PDHA1: variants seen among roughly 807,000 people sequenced by gnomAD.
PDHA1 encodes the protein pyruvate dehydrogenase E1 subunit alpha 1.
A neutral mutation model predicts 33.0 loss-of-function variants in PDHA1; 1 was observed. That is an observed-to-expected ratio of 0.03 (90% CI 0.01 to 0.14). The LOEUF (loss-of-function observed/expected upper bound fraction) is 0.14. Ranked by LOEUF, PDHA1 falls within the 10% of genes least tolerant of loss-of-function variation. The pLI is 1.00. For missense variants in PDHA1, 168 were observed against 325.1 expected (o/e 0.52, Z 3.72); for synonymous variants, 123 against 119.2 (o/e 1.03, Z -0.21).
At chrX:19,346,601 C>G (rs1006433666) in intron 1 of PDHA1, 3 of 967,245 alleles carry the variant, frequency 3.1e-6, no homozygotes, top group Non-Finnish European at 4.0e-6. Context: ...TGGGATTACT[C>G]TCACTCTCTT....
intron 3 of PDHA1, 115 bp from the exon 4 acceptor site, chrX:19,351,166 T>A: frequency 1.3e-6 from 1 of 765,312 alleles, no homozygotes; most frequent in East Asian, 3.2e-5. Context: ...AGCTACTTTC[T>A]CTGGTTATTA....
intron 4 of PDHA1, among the ~76,000 whole-genome samples, chrX:19,352,607 A>C (rs5955753): frequency 0.22 from 24,337 of 112,004 alleles, 5,047 homozygotes; most frequent in African/African-American, 0.66. Context: ...TCGAGTATAC[A>C]AAAATCCTCA....
intron 2 of PDHA1, among the ~76,000 whole-genome samples, chrX:19,349,730 TAGAA>T (rs2063153520): frequency 8.9e-6 from 1 of 112,299 alleles, no homozygotes; most frequent in Non-Finnish European, 1.9e-5. Flanking sequence ...AAAATCATCT[TAGAA>T]AGATTTCCTT....
At chrX:19,358,190 A>T (rs1391870788) in intron 9 of PDHA1, among the ~76,000 whole-genome samples, 1 of 112,250 alleles carries the variant, frequency 8.9e-6, no homozygotes, top group Non-Finnish European at 1.9e-5. Context: ...CTAGGAAGGC[A>T]TGAATTTTAC....
intron 1 of PDHA1, among the ~76,000 whole-genome samples, chrX:19,347,658 G>C (rs1406687478): frequency 8.9e-6 from 1 of 112,743 alleles, no homozygotes; most frequent in Non-Finnish European, 1.9e-5. Context: ...TTCTGTAGTT[G>C]TATTTGGAAA....
intron 8 of PDHA1, chrX:19,357,342 C>T: frequency 3.2e-6 from 1 of 310,908 alleles, no homozygotes; most frequent in Non-Finnish European, 5.8e-6. Flanking sequence ...GTGCTCTGCC[C>T]ACCTCAGCTT....
rs759443348 is a variant in PDHA1, at chrX:19,358,964, T to A, written c.948T>A (p.Pro316=). The change falls in exon 10 of 11, where the codon CCT becomes CCA. Residue 316 remains proline (P), a synonymous_variant. Transcript: ENST00000422285. The part of the protein sequence containing the change: ...EIQEVRSKSD[P]IMLLKDRMVN... ...AGGAAGTAAGAAGTAAGAGTGACCC[T>A]ATTATGCTTCTCAAGGACAGGATGG... is the stretch of plus-strand genomic sequence containing the variant. The A allele has an allele frequency of 8.3e-7, 1 of 1,200,379 alleles. No homozygotes were observed. Among genetic ancestry groups the A allele is most frequent in the Non-Finnish European group, 1.1e-6 (1 of 885,180 alleles).
In PDHA1 at chrX:19,360,632, TTGAACAATGGCATTTTTAA is replaced by T. The variant is rs2063271758; in HGVS notation, c.*980_*998del. 1 of 542,635 alleles carries T rather than the reference TTGAACAATGGCATTTTTAA, an allele frequency of 1.8e-6. No individual in the cohort carries two copies. Among genetic ancestry groups the T allele is most frequent in the Non-Finnish European group, 3.0e-6 (1 of 329,210 alleles). The allele number at this position is 542,635 out of a possible 1,213,427, so 44.7% of individuals were successfully genotyped here. A position where few individuals can be genotyped will look rare whatever the true frequency, so the allele number is the denominator to read the frequency against. ...TTAAAACAAGTTCTTAAACTATTAATTGAACAATGGCATTTTTAAATATGTAAACACAGCGGAATTCGTG... is the reference window on the plus strand; with the variant it reads ...TTAAAACAAGTTCTTAAACTATTAATATATGTAAACACAGCGGAATTCGTG... On this transcript the variant is annotated 3_prime_UTR_variant, in exon 11 of 11. Coordinates refer to ENST00000422285, the MANE Select transcript of PDHA1 (RefSeq NM_000284.4).
Position 19,356,381 on chromosome X carries a change from A to G in PDHA1, c.831+624A>G, listed in dbSNP as rs189565875. Among the ~76,000 whole-genome samples the G allele has an allele frequency of 1.1e-3, 127 of 112,005 alleles. 1 individual carries two copies. The highest frequency in any genetic ancestry group is 8.8e-4 in the Non-Finnish European group (47 of 53,206). ...TTTCTGAAGTTGGCACTTCAGCGCC[A>G]TACCATGTACGTTTAGGCAGTGATG... On this transcript the variant is annotated intron_variant, in intron 8 of 10. Coordinates refer to ENST00000422285, the MANE Select transcript of PDHA1 (RefSeq NM_000284.4).
chrX:19,355,330 T>C lies in PDHA1; in HGVS notation c.604-19T>C. The stretch of plus-strand genomic sequence containing the variant: ...GGAGAAAGAAGCCAAATGAAACCCC[T>C]TTTCGTAACTACTTCCAGGGCCAGA... On this transcript the variant is annotated intron_variant, in intron 6 of 10. Transcript: ENST00000422285. 1.7e-6 allele frequency: 2 copies of C among 1,210,237 alleles called. No individual in the cohort carries two copies. The highest frequency in any genetic ancestry group is 1.1e-6 in the Non-Finnish European group (1 of 893,966).
chrX:19,344,679 T>C (rs1322919617), intron 1 of PDHA1, among the ~76,000 whole-genome samples: 6 of 113,759 alleles, frequency 5.3e-5, no homozygotes, highest in African/African-American at 1.9e-4. Flanking sequence ...AACTCTAAAA[T>C]GGAGATAATA....
chrX:19,358,820 T>C (rs756064815), intron 9 of PDHA1, 96 bp from the exon 10 acceptor site: 13 of 563,236 alleles, frequency 2.3e-5, no homozygotes, highest in South Asian at 2.1e-4. Context: ...TTTCACCTCA[T>C]TGGGACAATC....
At chrX:19,348,859 C>G (rs775979650) in intron 1 of PDHA1, among the ~76,000 whole-genome samples, 2 of 111,830 alleles carry the variant, frequency 1.8e-5, no homozygotes, top group East Asian at 5.6e-4. Flanking sequence ...CAGGAGAAAT[C>G]ACTTGAACCC....
chrX:19,361,505 C>G lies in PDHA1; in HGVS notation c.*1852C>G. The G allele has an allele frequency of 3.3e-6, 4 of 1,210,154 alleles. No individual in the cohort carries two copies. The highest frequency in any genetic ancestry group is 4.5e-6 in the Non-Finnish European group (4 of 893,953). Reference sequence around the variant, plus strand: ...GTTGTAAATTTACCTTTTCAATTGTCTTTGCATCAGCTCCTTGCAGCCGCA... The same window carrying G: ...GTTGTAAATTTACCTTTTCAATTGTGTTTGCATCAGCTCCTTGCAGCCGCA... On this transcript the variant is annotated 3_prime_UTR_variant, in exon 11 of 11. Coordinates refer to ENST00000422285, the MANE Select transcript of PDHA1 (RefSeq NM_000284.4).
rs1055877510 is a variant in PDHA1, at chrX:19,361,604, T to A, written c.*1951T>A. On this transcript the variant is annotated 3_prime_UTR_variant, in exon 11 of 11. Coordinates refer to ENST00000422285, the MANE Select transcript of PDHA1 (RefSeq NM_000284.4). ...GGTTCTCTGTAATACCTGTAACGAT[T>A]GGCAATTTGTTATATATTAGTCTAA... The A allele has an allele frequency of 2.6e-6, 3 of 1,133,717 alleles. No homozygotes were observed. Among genetic ancestry groups the A allele is most frequent in the African/African-American group, 3.6e-5 (2 of 55,721 alleles). 93.4% of individuals were successfully genotyped at this position (1,133,717 alleles called of 1,213,427 possible). A position where few individuals can be genotyped will look rare whatever the true frequency, so the allele number is the denominator to read the frequency against.
chrX:19,360,327 T>C lies in PDHA1; in HGVS notation c.*674T>C, dbSNP rs1281040569. 4 of 144,830 alleles carry C rather than the reference T, an allele frequency of 2.8e-5. No homozygotes were observed. Among genetic ancestry groups the C allele is most frequent in the Admixed American group, 2.4e-4 (3 of 12,332 alleles). The allele number at this position is 144,830 out of a possible 1,213,427, so 11.9% of individuals were successfully genotyped here. On this transcript the variant is annotated 3_prime_UTR_variant, in exon 11 of 11. Coordinates refer to ENST00000422285, the MANE Select transcript of PDHA1 (RefSeq NM_000284.4). The stretch of plus-strand genomic sequence containing the variant: ...TTCCATGTTTGTTAAATACCCCTTG[T>C]TTGTTTCACCATTCCAGCAAGTGCT...
Position 19,361,600 on chromosome X carries a change from C to T in PDHA1, c.*1947C>T, listed in dbSNP as rs771054574. The T allele has an allele frequency of 3.6e-5, 42 of 1,155,961 alleles. No homozygotes were observed. Among genetic ancestry groups the T allele is most frequent in the East Asian group, 8.9e-5 (3 of 33,580 alleles). On this transcript the variant is annotated 3_prime_UTR_variant, in exon 11 of 11. Coordinates refer to ENST00000422285, the MANE Select transcript of PDHA1 (RefSeq NM_000284.4). ...GCTGGGTTCTCTGTAATACCTGTAA[C>T]GATTGGCAATTTGTTATATATTAGT... is the stretch of plus-strand genomic sequence containing the variant.
chrX:19,361,681 G>T lies in PDHA1; in HGVS notation c.*2028G>T. ...TTGGATTAATAAATGATTCCAGAAT[G>T]TAAATGTGATGTGAAAAAGAGATGA... On this transcript the variant is annotated 3_prime_UTR_variant, in exon 11 of 11. Coordinates refer to ENST00000422285, the MANE Select transcript of PDHA1 (RefSeq NM_000284.4). 1 of 633,490 alleles carries T rather than the reference G, an allele frequency of 1.6e-6. No individual in the cohort carries two copies. The highest frequency in any genetic ancestry group is 2.5e-6 in the Non-Finnish European group (1 of 399,765). The allele number at this position is 633,490 out of a possible 1,213,427, so 52.2% of individuals were successfully genotyped here.
intron 1 of PDHA1, chrX:19,345,664 ATCCT>A (rs1296044560): frequency 5.1e-6 from 1 of 196,776 alleles, no homozygotes; most frequent in African/African-American, 3.3e-5. Flanking sequence ...GCTCAGAAAC[ATCCT>A]TCCTTTAGGC....
Sources: allele counts gnomAD v4.1 joint callset (sites outside exome capture counted in the v4.1 genomes callset), GRCh38; gene constraint gnomAD v4.1.1; transcripts MANE v1.5; gene names NCBI Gene and HGNC (gene_info 2026-07-23, HGNC 2026-07-21).